PRKDC: variants seen among roughly 807,000 people sequenced by gnomAD.
PRKDC encodes DNA-dependent protein kinase catalytic subunit.
In PRKDC, 82 loss-of-function variants were observed where a neutral mutation model predicts 486.9. That is an observed-to-expected ratio of 0.17 (90% CI 0.14 to 0.20). The LOEUF is 0.20. Ranked by LOEUF, PRKDC falls within the 10% of genes least tolerant of loss-of-function variation. The pLI is 1.00. For missense variants in PRKDC, 4,504 were observed against 5,038.2 expected (o/e 0.89, Z 3.21); for synonymous variants, 1,895 against 1,837.0 (o/e 1.03, Z -0.81).
At chr8:47,806,636 T>C (rs1285620875) in intron 69 of PRKDC, among the ~76,000 whole-genome samples, 3 of 152,212 alleles carry the variant, frequency 2.0e-5, no homozygotes, top group African/African-American at 7.2e-5. Flanking sequence ...TTTTAAGCAA[T>C]GTATACTTAA....
At chr8:47,891,221 G>C (rs1253272292) in intron 31 of PRKDC, among the ~76,000 whole-genome samples, 1 of 152,110 alleles carries the variant, frequency 6.6e-6, no homozygotes, top group Admixed American at 6.5e-5. Flanking sequence ...AGAGTGCCAA[G>C]GGACAATTTA....
At position 47,871,244 on chromosome 8, in the gene PRKDC, C is replaced by T; in HGVS notation, c.5363+6480G>A. Among the ~76,000 whole-genome samples, 2 of 152,096 alleles carry T rather than the reference C, an allele frequency of 1.3e-5. 1 individual carries two copies. The highest frequency in any genetic ancestry group is 1.3e-4 in the Admixed American group (2 of 15,266). On this transcript the variant is annotated intron_variant, in intron 40 of 85. Transcript: ENST00000314191. Reference sequence around the variant, plus strand: ...ATTCAAGTATAAGAAGGTTATAGAGCACCAAGCAGATTTAACCCAAATAAA... The same window carrying T: ...ATTCAAGTATAAGAAGGTTATAGAGTACCAAGCAGATTTAACCCAAATAAA...
intron 69 of PRKDC, among the ~76,000 whole-genome samples, chr8:47,805,744 C>T (rs1237978859): frequency 3.3e-5 from 5 of 152,174 alleles, no homozygotes; most frequent in Admixed American, 1.3e-4. Context: ...AGACTTTGGT[C>T]TTCCTAATTA....
intron 68 of PRKDC, among the ~76,000 whole-genome samples, 161 bp downstream of exon 68, chr8:47,817,289 G>T (rs1458836125): frequency 6.6e-6 from 1 of 152,122 alleles, no homozygotes; most frequent in South Asian, 2.1e-4. Flanking sequence ...CTGCAGACAC[G>T]GAGAGCTCTA....
At chr8:47,803,009 G>A (rs747944807) in intron 70 of PRKDC, among the ~76,000 whole-genome samples, 1 of 152,110 alleles carries the variant, frequency 6.6e-6, no homozygotes, top group Non-Finnish European at 1.5e-5. Flanking sequence ...GGATGTTCTC[G>A]ATCTCCTGAC....
chr8:47,831,060 C>T (rs1284228055), intron 60 of PRKDC, among the ~76,000 whole-genome samples: 1 of 152,244 alleles, frequency 6.6e-6, no homozygotes, highest in South Asian at 2.1e-4. Flanking sequence ...ACGAGGCCGG[C>T]AGCCGGTCCC....
chr8:47,790,570 T>A (rs1387388416), intron 74 of PRKDC, among the ~76,000 whole-genome samples: 1 of 152,166 alleles, frequency 6.6e-6, no homozygotes, highest in Non-Finnish European at 1.5e-5. Flanking sequence ...CTAAAATTTG[T>A]ATGGAACCAC....
rs781575694 is a variant in PRKDC, at chr8:47,782,369, G to C, written c.11396+9C>G. On this transcript the variant is annotated intron_variant, in intron 79 of 85. Coordinates refer to ENST00000314191, the MANE Select transcript of PRKDC (RefSeq NM_006904.7). This position sits in a 1 kb window ranked among gnomAD's most constrained non-coding sequence, Gnocchi z 4.9. The stretch of plus-strand genomic sequence containing the variant: ...GCAGCCTACTGGCTGGGAGCAGCCT[G>C]GCAGTTACCTGGAGGTCATGGGCAC... 1 of 1,606,996 alleles carries C rather than the reference G, an allele frequency of 6.2e-7. No individual in the cohort carries two copies.
intron 11 of PRKDC, among the ~76,000 whole-genome samples, chr8:47,938,373 C>T (rs559840977): frequency 2.0e-5 from 3 of 146,942 alleles, no homozygotes; most frequent in African/African-American, 5.1e-5. Flanking sequence ...GTCATGCCAT[C>T]GCACTCCAGC....
At chr8:47,957,452 A>G (rs1248300168) in intron 1 of PRKDC, 21 bp from the exon 2 acceptor site, 1 of 1,547,922 alleles carries the variant, frequency 6.5e-7, no homozygotes, top group South Asian at 1.2e-5. Context: ...AAATAAGTAA[A>G]CAAGTTAAGA....
intron 31 of PRKDC, among the ~76,000 whole-genome samples, chr8:47,891,767 T>C (rs1045495419): frequency 6.6e-6 from 1 of 152,144 alleles, no homozygotes; most frequent in African/African-American, 2.4e-5. Flanking sequence ...TTGAATCCAA[T>C]AGAATATTGG....
chr8:47,880,040 G>A (rs190143061), intron 38 of PRKDC, among the ~76,000 whole-genome samples: 61 of 151,862 alleles, frequency 4.0e-4, no homozygotes, highest in Admixed American at 3.0e-3. Flanking sequence ...ATAGAGACGG[G>A]GTTTTGCCAT....
intron 65 of PRKDC, among the ~76,000 whole-genome samples, chr8:47,821,207 C>T (rs571070222): frequency 1.3e-5 from 2 of 152,176 alleles, no homozygotes; most frequent in South Asian, 2.1e-4. Context: ...TTGGATGTTA[C>T]GTACAAACTG....
chr8:47,837,761 A>C (rs1004772137), intron 56 of PRKDC, among the ~76,000 whole-genome samples: 6 of 152,338 alleles, frequency 3.9e-5, no homozygotes, highest in Non-Finnish European at 5.9e-5. Flanking sequence ...AAGAAATTAC[A>C]CAAAATCCTT....
At chr8:47,827,943 C>G (rs546657879) in intron 62 of PRKDC, among the ~76,000 whole-genome samples, 1 of 152,222 alleles carries the variant, frequency 6.6e-6, no homozygotes, top group Non-Finnish European at 1.5e-5. Context: ...CAAAATAAAA[C>G]GTAACATGTT....
Position 47,888,992 on chromosome 8 carries a change from C to G in PRKDC, c.4280+22G>C, listed in dbSNP as rs776904911. 1.1e-5 allele frequency: 17 copies of G among 1,604,364 alleles called. No homozygotes were observed. The African/African-American group carries it at 2.0e-4, about 19-fold the overall frequency. On this transcript the variant is annotated intron_variant, in intron 33 of 85. Transcript: ENST00000314191. ...CTGAAATTCCAGGACAACATGTCCC[C>G]GATTGTGACCCAAGTACCCACCTCT...
chr8:47,935,108 A>G (rs917829538), intron 13 of PRKDC, 50 bp from the exon 14 acceptor site: 1 of 1,252,094 alleles, frequency 8.0e-7, no homozygotes, highest in Non-Finnish European at 1.1e-6. Context: ...GAAAAACAGA[A>G]TCAAAACTCA....
At chr8:47,932,545 T>C (rs116558767) in intron 16 of PRKDC, among the ~76,000 whole-genome samples, 1,571 of 152,258 alleles carry the variant, frequency 0.01, 29 homozygotes, top group African/African-American at 0.037. Flanking sequence ...TAACTCAGGC[T>C]AGGAAAATTG....
intron 74 of PRKDC, 65 bp from the exon 75 acceptor site, chr8:47,789,303 T>A (rs2086845883): frequency 1.3e-6 from 1 of 760,196 alleles, no homozygotes; most frequent in African/African-American, 1.8e-5. Context: ...ATATATTTTA[T>A]ATACCATACA....
Sources: gnomAD v4.1 joint callset for allele counts (sites outside exome capture counted in the v4.1 genomes callset) on GRCh38, gnomAD v4.1.1 for gene constraint, Gnocchi (gnomAD v3.1) non-coding constraint, MANE v1.5 for transcripts, NCBI Gene and HGNC (gene_info 2026-07-23, HGNC 2026-07-21) for gene names.